ZNF429: variants seen among roughly 807,000 people sequenced by gnomAD.
ZNF429 encodes zinc finger protein 429.
ZNF429 carries 53 observed loss-of-function variants against 56.8 expected under a neutral mutation model. The observed-to-expected ratio is 0.93, with a 90% CI of 0.75 to 1.17. The LOEUF (loss-of-function observed/expected upper bound fraction) is 1.17, where lower values mean the gene tolerates loss of function less well. ZNF429 is among the 50% of genes most tolerant of loss of function. The pLI is 0.00. For missense variants in ZNF429, 849 were observed against 788.4 expected (o/e 1.08, Z -0.92); for synonymous variants, 278 against 264.7 (o/e 1.05, Z -0.49).
Position 21,536,692 on chromosome 19 carries a change from C to G in ZNF429, c.639C>G (p.Ser213=). The G allele has an allele frequency of 6.2e-7, 1 of 1,614,030 alleles. No individual in the cohort carries two copies. Among genetic ancestry groups the G allele is most frequent in the Non-Finnish European group, 8.5e-7 (1 of 1,179,968 alleles). Residue 213 remains serine, a synonymous_variant, in exon 4 of 4, where the codon TCC becomes TCG. Coordinates refer to ENST00000358491, the MANE Select transcript of ZNF429 (RefSeq NM_001001415.4). ...AATTTGGCAATGCCTTTAATCAGTC[C>G]TCAGCCCTTACTAACCATAAGAGAA... The part of the protein sequence containing the change: ...CKEFGNAFNQ[S]SALTNHKRIY...
chr19:21,506,013 G>A (rs564886440), intron 1 of ZNF429: 5 of 384,480 alleles, frequency 1.3e-5, no homozygotes, highest in Non-Finnish European at 2.5e-5. Flanking sequence ...AGCCCTGTCT[G>A]GGGAGCTCTG....
intron 1 of ZNF429, among the ~76,000 whole-genome samples, chr19:21,528,865 A>G (rs564057012): frequency 2.6e-5 from 4 of 152,218 alleles, no homozygotes; most frequent in Non-Finnish European, 5.9e-5. Context: ...CCAGCACATC[A>G]TAAAAATTTG....
At chr19:21,531,141 A>G in intron 3 of ZNF429, among the ~76,000 whole-genome samples, 1 of 145,712 alleles carries the variant, frequency 6.9e-6, no homozygotes, top group African/African-American at 2.5e-5. Flanking sequence ...CAAAAAAAAA[A>G]AAACACCCGT....
intron 3 of ZNF429, among the ~76,000 whole-genome samples, chr19:21,535,311 C>CTTTCTTTCTT: frequency 5.3e-5 from 7 of 133,220 alleles, no homozygotes; most frequent in African/African-American, 2.2e-4. Flanking sequence ...TTCTTTCTTT[C>CTTTCTTTCTT]TTTCTTTCTT....
At chr19:21,505,807 G>C (rs746026837) in intron 1 of ZNF429, 33 bp downstream of exon 1, 1 of 1,609,460 alleles carries the variant, frequency 6.2e-7, no homozygotes, top group South Asian at 1.1e-5. Flanking sequence ...CCCCAGAGAG[G>C]GGGAGGGGCT....
At position 21,539,420 on chromosome 19, in the gene ZNF429, T is replaced by C. The variant is rs1272539803; in HGVS notation, c.*1342T>C. 1.3e-5 allele frequency among the ~76,000 whole-genome samples: 2 copies of C among 152,072 alleles called. No homozygotes were observed. Among genetic ancestry groups the C allele is most frequent in the African/African-American group, 2.4e-5 (1 of 41,406 alleles). ...ATTTTGCAAAGTTATATTCAAAGTGTACTTTTTATTTATTTTTTTGAGATG... is the reference window on the plus strand; with the variant it reads ...ATTTTGCAAAGTTATATTCAAAGTGCACTTTTTATTTATTTTTTTGAGATG... On this transcript the variant is annotated 3_prime_UTR_variant, in exon 4 of 4. Coordinates refer to ENST00000358491, the MANE Select transcript of ZNF429 (RefSeq NM_001001415.4).
intron 2 of ZNF429, among the ~76,000 whole-genome samples, 161 bp from the exon 3 acceptor site, chr19:21,530,427 AT>A: frequency 1.3e-5 from 2 of 152,174 alleles, no homozygotes; most frequent in African/African-American, 4.8e-5. Flanking sequence ...GAACCTAAAA[AT>A]TTTAAATATT....
chr19:21,529,843 T>G, intron 2 of ZNF429, 59 bp downstream of exon 2: 1 of 1,148,518 alleles, frequency 8.7e-7, no homozygotes. Flanking sequence ...TTTCTCCTCT[T>G]TGTAGAATGT....
chr19:21,511,713 G>T (rs1056051452), intron 1 of ZNF429, among the ~76,000 whole-genome samples: 3 of 151,860 alleles, frequency 2.0e-5, no homozygotes, highest in Admixed American at 6.6e-5. Flanking sequence ...CACTTTGGGA[G>T]GCCAAGGCAG....
intron 3 of ZNF429, among the ~76,000 whole-genome samples, chr19:21,531,814 A>G: frequency 1.1e-5 from 1 of 93,926 alleles, no homozygotes; most frequent in African/African-American, 4.1e-5. Flanking sequence ...TCAAAAAAAG[A>G]AAAAAAAAAA....
Position 21,515,020 on chromosome 19 carries a change from A to T in ZNF429, c.3+9246A>T, listed in dbSNP as rs149417307. 6.9e-4 allele frequency among the ~76,000 whole-genome samples: 105 copies of T among 151,452 alleles called. 1 individual carries two copies. The highest frequency in any genetic ancestry group is 2.5e-3 in the African/African-American group (102 of 41,276). On this transcript the variant is annotated intron_variant, in intron 1 of 3. Coordinates refer to ENST00000358491, the MANE Select transcript of ZNF429 (RefSeq NM_001001415.4). ...CAGTGGCGTGATCCCCGCTCACTGC[A>T]GCCTCCACCTCCCAGATTCAAGTGA...
chr19:21,528,280 A>G (rs1419426120), intron 1 of ZNF429, among the ~76,000 whole-genome samples: 1 of 152,224 alleles, frequency 6.6e-6, no homozygotes, highest in Non-Finnish European at 1.5e-5. Context: ...TATGCAGAAC[A>G]GGATTTTCAA....
At position 21,523,829 on chromosome 19, in the gene ZNF429, C is replaced by A. The variant is rs372183997; in HGVS notation, c.4-5829C>A. On this transcript the variant is annotated intron_variant, in intron 1 of 3. Coordinates refer to ENST00000358491, the MANE Select transcript of ZNF429 (RefSeq NM_001001415.4). Reference sequence around the variant, plus strand: ...AGATAGATGTATAATCTAGAGTGTGCCAGAGCAGCCTCTATGAGGAGATCT... The same window carrying A: ...AGATAGATGTATAATCTAGAGTGTGACAGAGCAGCCTCTATGAGGAGATCT... 3.3e-5 allele frequency among the ~76,000 whole-genome samples: 5 copies of A among 151,802 alleles called. No individual in the cohort carries two copies. The East Asian group carries it at 7.7e-4, about 23-fold the overall frequency.
At chr19:21,535,659 T>C in intron 3 of ZNF429, among the ~76,000 whole-genome samples, 3 of 151,336 alleles carry the variant, frequency 2.0e-5, no homozygotes, top group Non-Finnish European at 4.4e-5. Flanking sequence ...GGATTATAGG[T>C]GCCTGCCATC....
intron 3 of ZNF429, among the ~76,000 whole-genome samples, chr19:21,535,457 TTTCTTTCTTTCTTTCTTTCTTTC>T: frequency 9.1e-6 from 1 of 110,010 alleles, no homozygotes; most frequent in African/African-American, 4.2e-5. Context: ...TCTTTCTTTC[TTTCTTTCTTTCTTTCTTTCTTTC>T]TTTCTTTCTT....
At position 21,537,584 on chromosome 19, in the gene ZNF429, T is replaced by C; in HGVS notation, c.1531T>C (p.Cys511Arg). The change falls in exon 4 of 4, where the codon TGT (cysteine) becomes CGT (arginine). Residue 511 changes from cysteine to arginine, a missense_variant. By Grantham distance (180) the Cys-to-Arg change is radical. Coordinates refer to ENST00000358491, the MANE Select transcript of ZNF429 (RefSeq NM_001001415.4). ...TCATAGTGGAGAGAAACCCTACAAA[T>C]GTGAAGAATGTGGCAAAGCTTTTAT... is the stretch of plus-strand genomic sequence containing the variant. ...KIHSGEKPYK[C>R]EECGKAFILS... 5 of 1,613,642 alleles carry C rather than the reference T, an allele frequency of 3.1e-6. No individual in the cohort carries two copies. The highest frequency in any genetic ancestry group is 4.2e-6 in the Non-Finnish European group (5 of 1,179,980).
Position 21,529,798 on chromosome 19 carries a change from C to A in ZNF429, c.130+14C>A. ...TGGTCTTCCTGGGTGAGAATAACTT[C>A]AATACAACATTCCTAATATACCCTA... is the stretch of plus-strand genomic sequence containing the variant. On this transcript the variant is annotated intron_variant, in intron 2 of 3. Coordinates refer to ENST00000358491, the MANE Select transcript of ZNF429 (RefSeq NM_001001415.4). 6.8e-7 allele frequency: 1 copy of A among 1,475,032 alleles called. No individual in the cohort carries two copies. Among genetic ancestry groups the A allele is most frequent in the Non-Finnish European group, 9.2e-7 (1 of 1,083,156 alleles). The allele number at this position is 1,475,032 out of a possible 1,614,324, so 91.4% of individuals were successfully genotyped here.
intron 1 of ZNF429, among the ~76,000 whole-genome samples, chr19:21,527,139 T>A (rs2033199538): frequency 6.6e-6 from 1 of 152,232 alleles, no homozygotes; most frequent in African/African-American, 2.4e-5. Flanking sequence ...CTGCTTTGTC[T>A]AACTAATACT....
chr19:21,520,733 T>C (rs1013484394), intron 1 of ZNF429, among the ~76,000 whole-genome samples: 2 of 152,166 alleles, frequency 1.3e-5, no homozygotes, highest in African/African-American at 4.8e-5. Context: ...TTATCTGATA[T>C]TTGCAGTCCA....
Sources: allele counts gnomAD v4.1 joint callset (sites outside exome capture counted in the v4.1 genomes callset), GRCh38; gene constraint gnomAD v4.1.1; transcripts MANE v1.5; gene names NCBI Gene and HGNC (gene_info 2026-07-23, HGNC 2026-07-21).